CALCRL: variants seen among roughly 807,000 people sequenced by gnomAD.
CALCRL encodes the protein calcitonin gene-related peptide type 1 receptor.
CALCRL carries 27 observed loss-of-function variants against 60.4 expected under a neutral mutation model. That is an observed-to-expected ratio of 0.45 (90% CI 0.33 to 0.62). The LOEUF (loss-of-function observed/expected upper bound fraction) is 0.62. Ranked by LOEUF, CALCRL falls within the 20% of genes least tolerant of loss-of-function variation. The pLI, the probability that CALCRL is intolerant of heterozygous loss-of-function variation, is 0.03. For synonymous variants in CALCRL, 190 were observed against 182.6 expected, an observed-to-expected ratio of 1.04 and a Z score of -0.33; for missense variants, 424 against 540.7, an observed-to-expected ratio of 0.78 and a Z score of 2.14.
intron 1 of CALCRL, among the ~76,000 whole-genome samples, chr2:187,395,451 C>A (rs922072844): frequency 7.2e-5 from 11 of 152,064 alleles, no homozygotes; most frequent in African/African-American, 2.7e-4. Flanking sequence ...AATGGCTTGA[C>A]AACTCATACT....
chr2:187,403,814 C>T lies in CALCRL; in HGVS notation c.-292-16058G>A, dbSNP rs192055249. Among the ~76,000 whole-genome samples the T allele has an allele frequency of 1.3e-4, 20 of 151,898 alleles. No individual in the cohort carries two copies. In the East Asian group the frequency reaches 2.7e-3, roughly 21 times the overall value. On this transcript the variant is annotated intron_variant, in intron 1 of 14. Coordinates refer to ENST00000392370, the MANE Select transcript of CALCRL (RefSeq NM_005795.6). ...GCTGTAATTTTACACATACCAAACG[C>T]AGCTTATTTTTAATCATTTACTCCT...
intron 1 of CALCRL, among the ~76,000 whole-genome samples, chr2:187,396,024 G>T (rs1182277090): frequency 2.5e-5 from 1 of 40,470 alleles, no homozygotes; most frequent in Non-Finnish European, 5.7e-5. Context: ...GACACTGTTT[G>T]TTGTTGTTGT....
At chr2:187,352,864 T>A (rs1374036312) in intron 12 of CALCRL, among the ~76,000 whole-genome samples, 1 of 151,984 alleles carries the variant, frequency 6.6e-6, no homozygotes, top group Non-Finnish European at 1.5e-5. Context: ...AAAGTATCAC[T>A]GTAATCCTCT....
intron 1 of CALCRL, among the ~76,000 whole-genome samples, chr2:187,432,759 A>G (rs1690455716): frequency 6.6e-6 from 1 of 152,110 alleles, no homozygotes; most frequent in African/African-American, 2.4e-5. Context: ...AACACACTGC[A>G]TTAGGATGTT....
At position 187,346,282 on chromosome 2, in the gene CALCRL, G is replaced by T; in HGVS notation, c.1288C>A (p.Pro430Thr). ...CTAGGACAGTCATGACTATAACCTG[G>T]ACCATCACTGATTGTTGACACTGTG... is the stretch of plus-strand genomic sequence containing the variant. Reference protein sequence around the residue: ...SYTVSTISDGPGYSHDCPSEH... With the variant: ...SYTVSTISDGTGYSHDCPSEH... Residue 430 changes from proline (P) to threonine (T), a missense_variant, in exon 15 of 15, where the codon CCA becomes ACA. Transcript: ENST00000392370. 2 of 1,612,024 alleles carry T rather than the reference G, an allele frequency of 1.2e-6. No homozygotes were observed. The highest frequency in any genetic ancestry group is 1.7e-6 in the Non-Finnish European group (2 of 1,178,700).
At chr2:187,406,816 CATT>C (rs774300981) in intron 1 of CALCRL, among the ~76,000 whole-genome samples, 15 of 151,954 alleles carry the variant, frequency 9.9e-5, no homozygotes, top group Non-Finnish European at 1.6e-4. Flanking sequence ...ATGGAATCAA[CATT>C]ATTAAGTACA....
chr2:187,402,566 G>A (rs766274295), intron 1 of CALCRL, among the ~76,000 whole-genome samples: 1 of 151,668 alleles, frequency 6.6e-6, no homozygotes, highest in Non-Finnish European at 1.5e-5. Flanking sequence ...AGACAGAAAA[G>A]CAGATTAATG....
chr2:187,420,614 G>T (rs937552663), intron 1 of CALCRL, among the ~76,000 whole-genome samples: 3 of 151,922 alleles, frequency 2.0e-5, no homozygotes, highest in African/African-American at 7.3e-5. Flanking sequence ...ATTATAATAT[G>T]AATTTACATT....
At chr2:187,423,091 T>C (rs1400357174) in intron 1 of CALCRL, among the ~76,000 whole-genome samples, 1 of 152,036 alleles carries the variant, frequency 6.6e-6, no homozygotes, top group Non-Finnish European at 1.5e-5. Flanking sequence ...CTTCCTTATT[T>C]CTCGTTTAAA....
intron 8 of CALCRL, among the ~76,000 whole-genome samples, chr2:187,366,842 G>A (rs1018513495): frequency 1.3e-5 from 2 of 149,972 alleles, no homozygotes; most frequent in African/African-American, 4.9e-5. Flanking sequence ...ACCTCAATTT[G>A]TCTTGAAAGG....
chr2:187,446,579 A>G (rs1165013179), intron 1 of CALCRL, among the ~76,000 whole-genome samples: 1 of 151,736 alleles, frequency 6.6e-6, no homozygotes, highest in East Asian at 1.9e-4. Context: ...ATTAAAAATA[A>G]TGTTGTTTTA....
At chr2:187,362,886 T>G (rs1983492) in intron 9 of CALCRL, among the ~76,000 whole-genome samples, 44,088 of 151,962 alleles carry the variant, frequency 0.29, 6,699 homozygotes, top group Middle Eastern at 0.42. Context: ...ATTGACTTTT[T>G]AAAGTCAGCC....
In CALCRL at chr2:187,415,445, G is replaced by A. The variant is rs1381999077; in HGVS notation, c.-292-27689C>T. 4 of 240,496 alleles carry A rather than the reference G, an allele frequency of 1.7e-5. No homozygotes were observed. The East Asian group carries it at 3.8e-4, about 23-fold the overall frequency. 14.9% of individuals were successfully genotyped at this position (240,496 alleles called of 1,614,324 possible). ...AGGTGGCATGCTTGAAAAATATCAA[G>A]ACACAAAGGAATCAGAGGAAAAATA... On this transcript the variant is annotated intron_variant, in intron 1 of 14. Transcript: ENST00000392370.
In CALCRL at chr2:187,410,174, T is replaced by C. The variant is rs11896378; in HGVS notation, c.-292-22418A>G. ...TTTTGTAAAGTCAGAAAATGGGGTATAGTGGTGGATGTGGGAGAATCTGTA... is the reference window on the plus strand; with the variant it reads ...TTTTGTAAAGTCAGAAAATGGGGTACAGTGGTGGATGTGGGAGAATCTGTA... On this transcript the variant is annotated intron_variant, in intron 1 of 14. Transcript: ENST00000392370. Among the ~76,000 whole-genome samples the C allele has an allele frequency of 1.4e-4, 21 of 152,204 alleles. No homozygotes were observed. The South Asian group carries it at 4.4e-3, about 32-fold the overall frequency.
At chr2:187,429,798 G>A (rs1421603277) in intron 1 of CALCRL, among the ~76,000 whole-genome samples, 1 of 152,144 alleles carries the variant, frequency 6.6e-6, no homozygotes, top group African/African-American at 2.4e-5. Flanking sequence ...GGCTAATGAA[G>A]AGAATGCACC....
At chr2:187,364,590 T>A (rs1393517442) in intron 8 of CALCRL, among the ~76,000 whole-genome samples, 1 of 152,112 alleles carries the variant, frequency 6.6e-6, no homozygotes, top group East Asian at 1.9e-4. Context: ...TATCACTAAA[T>A]CTCTTTATCT....
chr2:187,373,832 CAA>C (rs1687632669), intron 8 of CALCRL, among the ~76,000 whole-genome samples: 1 of 152,014 alleles, frequency 6.6e-6, no homozygotes, highest in South Asian at 2.1e-4. Context: ...AAGTAAGTGA[CAA>C]AGTGGAATTT....
chr2:187,405,272 T>C (rs1187627369), intron 1 of CALCRL, among the ~76,000 whole-genome samples: 2 of 151,996 alleles, frequency 1.3e-5, no homozygotes, highest in African/African-American at 4.8e-5. Context: ...TATGTGAACA[T>C]TTAACAATGC....
intron 1 of CALCRL, among the ~76,000 whole-genome samples, chr2:187,390,355 T>C: frequency 6.6e-6 from 1 of 152,142 alleles, no homozygotes; most frequent in Non-Finnish European, 1.5e-5. Flanking sequence ...TTATTCTATG[T>C]AAAAATCACG....
Sources: gnomAD v4.1 joint callset for allele counts (sites outside exome capture counted in the v4.1 genomes callset) on GRCh38, gnomAD v4.1.1 for gene constraint, MANE v1.5 for transcripts, NCBI Gene and HGNC (gene_info 2026-07-23, HGNC 2026-07-21) for gene names.